PPP6R2: variants seen among roughly 807,000 people sequenced by gnomAD.
PPP6R2 encodes serine/threonine-protein phosphatase 6 regulatory subunit 2.
PPP6R2 carries 62 observed loss-of-function variants against 100.2 expected under a neutral mutation model. That is an observed-to-expected ratio of 0.62 (90% CI 0.50 to 0.76). The LOEUF (loss-of-function observed/expected upper bound fraction) is 0.76, where lower values mean the gene tolerates loss of function less well. Among genes scored for constraint, PPP6R2 ranks in the 30% least tolerant of loss-of-function variants. PPP6R2 has a pLI of 0.00. For missense variants in PPP6R2, 1,142 were observed against 1,276.3 expected (o/e 0.89, Z 1.60); for synonymous variants, 525 against 514.7 (o/e 1.02, Z -0.27).
In PPP6R2 at chr22:50,438,656, C is replaced by T. The variant is rs2148346580; in HGVS notation, c.2022C>T (p.Gly674=). Residue 674 remains glycine (G), a synonymous_variant, in exon 19 of 24, where the codon GGC becomes GGT. Transcript: ENST00000612753. The part of the protein sequence containing the change: ...SCSKNGPERG[G]QDGKASLEAH... ...CAAAGAATGGCCCAGAGCGTGGAGG[C>T]CAGGATGGGAAGGCGAGCTTGGAAG... 3 of 1,613,990 alleles carry T rather than the reference C, an allele frequency of 1.9e-6. No homozygotes were observed. Among genetic ancestry groups the T allele is most frequent in the Non-Finnish European group, 2.5e-6 (3 of 1,179,984 alleles).
intron 2 of PPP6R2, among the ~76,000 whole-genome samples, chr22:50,377,859 T>G (rs1326422470): frequency 1.3e-5 from 2 of 151,928 alleles, no homozygotes; most frequent in Non-Finnish European, 2.9e-5. Context: ...ACACAAAAAG[T>G]AGCTCAGCGT....
chr22:50,334,578 C>T, the PPP6R2 span, among the ~76,000 whole-genome samples: 1 of 152,024 alleles, frequency 6.6e-6, no homozygotes, highest in African/African-American at 2.4e-5. Context: ...GGTCTCTTGC[C>T]TTGGCACCTG....
intron 3 of PPP6R2, among the ~76,000 whole-genome samples, chr22:50,399,814 G>C (rs939631597): frequency 1.3e-5 from 2 of 152,246 alleles, no homozygotes; most frequent in Non-Finnish European, 2.9e-5. Context: ...TCACCTTCTG[G>C]AGTCAGAGCA....
At chr22:50,390,143 C>G (rs889709265) in intron 2 of PPP6R2, among the ~76,000 whole-genome samples, 1 of 151,678 alleles carries the variant, frequency 6.6e-6, no homozygotes, top group Non-Finnish European at 1.5e-5. Flanking sequence ...AGGCACCCAC[C>G]ACCACGCCCA....
chr22:50,444,456 G>C lies in PPP6R2; in HGVS notation c.*209G>C. The C allele has an allele frequency of 3.4e-6, 2 of 592,266 alleles. No individual in the cohort carries two copies. Among genetic ancestry groups the C allele is most frequent in the Non-Finnish European group, 5.6e-6 (2 of 359,896 alleles). The allele number at this position is 592,266 out of a possible 1,614,324, so 36.7% of individuals were successfully genotyped here. On this transcript the variant is annotated 3_prime_UTR_variant, in exon 24 of 24. Transcript: ENST00000612753. The stretch of plus-strand genomic sequence containing the variant: ...CCTCTCAGGTCACTCGTGCCCTGCT[G>C]GAGGACAGAGGGGCACCTCAGCCGC...
At chr22:50,429,090 G>A (rs1385917043) in intron 10 of PPP6R2, among the ~76,000 whole-genome samples, 1 of 151,986 alleles carries the variant, frequency 6.6e-6, no homozygotes, top group Non-Finnish European at 1.5e-5. Context: ...GAGTGCAGTG[G>A]CATGATCTTG....
chr22:50,419,824 T>G (rs1013573316), intron 8 of PPP6R2, among the ~76,000 whole-genome samples: 2 of 152,224 alleles, frequency 1.3e-5, no homozygotes, highest in East Asian at 3.8e-4. Context: ...TCCACTCTGA[T>G]GCATGGTTAC....
intron 3 of PPP6R2, among the ~76,000 whole-genome samples, chr22:50,401,847 G>C (rs1449382859): frequency 6.6e-6 from 1 of 151,778 alleles, no homozygotes; most frequent in Non-Finnish European, 1.5e-5. Flanking sequence ...TGTTAGCCAG[G>C]ATGGTCTTGA....
chr22:50,440,143 G>T, intron 21 of PPP6R2, 94 bp downstream of exon 21: 2 of 1,200,910 alleles, frequency 1.7e-6, no homozygotes, highest in Non-Finnish European at 2.3e-6. Context: ...GGAGGAGGTG[G>T]CCGGGGCCTC....
intron 19 of PPP6R2, 104 bp downstream of exon 19, chr22:50,438,866 G>C (rs1205409347): frequency 8.4e-7 from 1 of 1,186,520 alleles, no homozygotes; most frequent in Non-Finnish European, 1.2e-6. Context: ...GGCATTTGGG[G>C]CTCACTGTGG....
chr22:50,379,857 A>T (rs1384024267), intron 2 of PPP6R2, among the ~76,000 whole-genome samples: 1 of 152,184 alleles, frequency 6.6e-6, no homozygotes, highest in Non-Finnish European at 1.5e-5. Flanking sequence ...TGGGTGGCAG[A>T]CCGAAACCCT....
chr22:50,395,186 G>A (rs1010960890), intron 3 of PPP6R2, among the ~76,000 whole-genome samples: 1 of 152,174 alleles, frequency 6.6e-6, no homozygotes, highest in Non-Finnish European at 1.5e-5. Context: ...AGGGTCTTCA[G>A]CTCGAAGGAA....
At chr22:50,432,040 G>A (rs1251353993) in intron 11 of PPP6R2, among the ~76,000 whole-genome samples, 2 of 152,058 alleles carry the variant, frequency 1.3e-5, no homozygotes, top group African/African-American at 4.8e-5. Flanking sequence ...TCCTTTTCTC[G>A]GGCTTCATCT....
chr22:50,427,838 A>G (rs974388556), intron 10 of PPP6R2, among the ~76,000 whole-genome samples: 1 of 152,124 alleles, frequency 6.6e-6, no homozygotes, highest in Non-Finnish European at 1.5e-5. Flanking sequence ...CTCCTTCCTC[A>G]GCCTCCCAAG....
chr22:50,374,474 G>A (rs1038627765), intron 2 of PPP6R2, among the ~76,000 whole-genome samples: 2 of 152,174 alleles, frequency 1.3e-5, no homozygotes, highest in African/African-American at 4.8e-5. Flanking sequence ...TAGTAAATAT[G>A]TAGCTGGAAT....
At chr22:50,421,741 T>C (rs2061368299) in intron 8 of PPP6R2, among the ~76,000 whole-genome samples, 1 of 151,800 alleles carries the variant, frequency 6.6e-6, no homozygotes, top group African/African-American at 2.4e-5. Context: ...CAAAATCCTG[T>C]CTCTACTAAA....
the PPP6R2 span, among the ~76,000 whole-genome samples, chr22:50,335,218 ATTTTTTT>A: frequency 9.8e-6 from 1 of 101,658 alleles, no homozygotes; most frequent in African/African-American, 3.3e-5. Flanking sequence ...CACCCGGCTA[ATTTTTTT>A]TTTTTTTTTT....
rs57634612 is a variant in PPP6R2, at chr22:50,414,331, G to GCCCCCCCCCCCCCCCCCCCCCCC, written c.415-202_415-201insCCCCCCCCCCCCCCCCCCCCCCC. 6.0e-4 allele frequency among the ~76,000 whole-genome samples: 16 copies of GCCCCCCCCCCCCCCCCCCCCCCC among 26,776 alleles called. 1 individual carries two copies. The highest frequency in any genetic ancestry group is 1.6e-3 in the Admixed American group (3 of 1,880). 17.6% of individuals were successfully genotyped at this position (26,776 alleles called of 152,430 possible). The stretch of plus-strand genomic sequence containing the variant: ...GAGCCACAGGGGTCCCTGTGCAGTG[G>GCCCCCCCCCCCCCCCCCCCCCCC]CCCCCCCCCCCCCCCCCCCGCCCAG... On this transcript the variant is annotated intron_variant, in intron 4 of 23. Coordinates refer to ENST00000612753, the MANE Select transcript of PPP6R2 (RefSeq NM_001242898.2).
At chr22:50,337,586 C>T in the PPP6R2 span, among the ~76,000 whole-genome samples, 13 of 89,766 alleles carry the variant, frequency 1.4e-4, no homozygotes, top group East Asian at 6.7e-4. Context: ...AGTGTGTGTG[C>T]GATGTGTGGT....
Sources: allele counts gnomAD v4.1 joint callset (sites outside exome capture counted in the v4.1 genomes callset), GRCh38; gene constraint gnomAD v4.1.1; transcripts MANE v1.5; gene names NCBI Gene and HGNC (gene_info 2026-07-23, HGNC 2026-07-21).